The following ZNF493 variants were observed in gnomAD, a reference collection of about 807,000 sequenced individuals.
The protein encoded by ZNF493 is zinc finger protein 493.
ZNF493 carries 11 observed loss-of-function variants against 12.2 expected under a neutral mutation model. The observed-to-expected ratio is 0.90, with a 90% CI of 0.57 to 1.50. The LOEUF is 1.50. ZNF493 is among the 40% of genes most tolerant of loss of function. ZNF493 has a pLI of 0.00. For missense variants in ZNF493, 950 were observed against 906.6 expected (o/e 1.05, Z -0.61); for synonymous variants, 286 against 302.6 (o/e 0.95, Z 0.57).
chr19:21,415,517 T>C (rs1400534635), intron 3 of ZNF493, among the ~76,000 whole-genome samples: 3 of 152,174 alleles, frequency 2.0e-5, no homozygotes, highest in South Asian at 2.1e-4. Context: ...GTCTGAATTT[T>C]GTCAGGAGCC....
At chr19:21,407,111 G>A (rs2030156222) in intron 3 of ZNF493, among the ~76,000 whole-genome samples, 1 of 151,944 alleles carries the variant, frequency 6.6e-6, no homozygotes, top group African/African-American at 2.4e-5. Flanking sequence ...ACTTTGGGAG[G>A]CTGAGGCCGG....
At chr19:21,411,564 C>CA (rs1427392541) in intron 3 of ZNF493, among the ~76,000 whole-genome samples, 3 of 151,734 alleles carry the variant, frequency 2.0e-5, no homozygotes, top group Non-Finnish European at 4.4e-5. Context: ...TACTAAAATA[C>CA]AAAAAATTAG....
intron 1 of ZNF493, among the ~76,000 whole-genome samples, chr19:21,399,602 G>C (rs185529941): frequency 1.3e-5 from 2 of 151,902 alleles, no homozygotes; most frequent in South Asian, 2.1e-4. Flanking sequence ...TTTACAAAGG[G>C]CATAAAAGAT....
intron 3 of ZNF493, chr19:21,413,221 G>T (rs11669033): frequency 5.7e-6 from 2 of 351,508 alleles, no homozygotes; most frequent in Non-Finnish European, 5.2e-6. Flanking sequence ...TTTTGAGGGC[G>T]GTATGCCTCA....
In ZNF493 at chr19:21,423,204, T is replaced by C; in HGVS notation, c.545T>C (p.Phe182Ser). The C allele has an allele frequency of 6.2e-7, 1 of 1,613,788 alleles. No homozygotes were observed. Among genetic ancestry groups the C allele is most frequent in the Non-Finnish European group, 8.5e-7 (1 of 1,179,852 alleles). Residue 182 changes from phenylalanine (F) to serine (S), a missense_variant, in exon 4 of 4, where the codon TTC (phenylalanine) becomes TCC (serine). By Grantham distance (155) the Phe-to-Ser change is radical. Coordinates refer to ENST00000392288, the MANE Select transcript of ZNF493 (RefSeq NM_001076678.3). ...HNTKHTGKKP[F>S]KCKKCGKSFC... ...ACAAAACATACTGGAAAGAAACCTT[T>C]CAAATGTAAAAAATGTGGCAAATCA...
At chr19:21,403,879 G>A (rs1250407309) in intron 1 of ZNF493, among the ~76,000 whole-genome samples, 1 of 151,964 alleles carries the variant, frequency 6.6e-6, no homozygotes, top group African/African-American at 2.4e-5. Context: ...TCTAAATCAT[G>A]GCTTCTTATA....
rs1568384608 is a variant in ZNF493, at chr19:21,424,535, G to A, written c.1876G>A (p.Glu626Lys). 1 of 1,611,358 alleles carries A rather than the reference G, an allele frequency of 6.2e-7. No individual in the cohort carries two copies. The highest frequency in any genetic ancestry group is 2.2e-5 in the East Asian group (1 of 44,758). ...TATACATAAGAAAATTCATACTGGAGAAAAACCCTACAAATGTGAAGAATG... is the reference window on the plus strand; with the variant it reads ...TATACATAAGAAAATTCATACTGGAAAAAAACCCTACAAATGTGAAGAATG... ...LSIHKKIHTG[E>K]KPYKCEECGK... Residue 626 changes from glutamate to lysine, a missense_variant, in exon 4 of 4, where the codon GAA becomes AAA. Transcript: ENST00000392288.
chr19:21,412,268 G>A (rs1008612286), intron 3 of ZNF493: 2 of 152,238 alleles, frequency 1.3e-5, no homozygotes, highest in Non-Finnish European at 2.9e-5. Context: ...AAAGGGATGG[G>A]TTGGGCTAGT....
intron 3 of ZNF493, among the ~76,000 whole-genome samples, chr19:21,411,696 G>T (rs534852198): frequency 1.0e-3 from 157 of 151,812 alleles, no homozygotes; most frequent in African/African-American, 3.6e-3. Flanking sequence ...CTCCAGCCTG[G>T]GTGACAGAGT....
chr19:21,412,147 A>G (rs2914627), intron 3 of ZNF493: 143,262 of 152,192 alleles, frequency 0.94, 67,670 homozygotes, highest in Middle Eastern at 1. Context: ...TGAGAGCCCC[A>G]AACAGAGATT....
chr19:21,405,907 TAAAAAAAAAAAA>T, intron 3 of ZNF493, 51 bp downstream of exon 3: 4 of 179,206 alleles, frequency 2.2e-5, no homozygotes, highest in East Asian at 1.9e-4. Context: ...TTGAAAGATT[TAAAAAAAAAAAA>T]AAAAAAAAAA....
intron 3 of ZNF493, among the ~76,000 whole-genome samples, chr19:21,421,928 C>G (rs1432251688): frequency 6.6e-6 from 1 of 151,826 alleles, no homozygotes; most frequent in Non-Finnish European, 1.5e-5. Context: ...TCACTGCAAC[C>G]TCCGCCTCCC....
At chr19:21,403,876 C>A (rs925235140) in intron 1 of ZNF493, among the ~76,000 whole-genome samples, 9 of 152,178 alleles carry the variant, frequency 5.9e-5, no homozygotes, top group African/African-American at 2.2e-4. Flanking sequence ...CTCTCTAAAT[C>A]ATGGCTTCTT....
chr19:21,410,163 G>A (rs1254943367), intron 3 of ZNF493, among the ~76,000 whole-genome samples: 1 of 150,768 alleles, frequency 6.6e-6, no homozygotes, highest in Non-Finnish European at 1.5e-5. Flanking sequence ...TTGTGAATAC[G>A]GGTACAATAA....
In ZNF493 at chr19:21,426,837, T is replaced by C. The variant is rs2030868444; in HGVS notation, c.*1853T>C. The C allele has an allele frequency of 6.0e-6, 1 of 167,048 alleles. No homozygotes were observed. Among genetic ancestry groups the C allele is most frequent in the Non-Finnish European group, 1.5e-5 (1 of 68,094 alleles). The allele number at this position is 167,048 out of a possible 1,614,324, so 10.3% of individuals were successfully genotyped here. ...GCGACACTTCGAATATTCTACTAAA[T>C]GAGAGTTCTGAGTATAGAAAATAAA... On this transcript the variant is annotated 3_prime_UTR_variant, in exon 4 of 4. Coordinates refer to ENST00000392288, the MANE Select transcript of ZNF493 (RefSeq NM_001076678.3).
At chr19:21,418,093 C>T (rs1402471343) in intron 3 of ZNF493, among the ~76,000 whole-genome samples, 1 of 152,190 alleles carries the variant, frequency 6.6e-6, no homozygotes, top group African/African-American at 2.4e-5. Context: ...GAACTAAGAG[C>T]AGTTGCTCGA....
chr19:21,421,624 C>G (rs1010840891), intron 3 of ZNF493, among the ~76,000 whole-genome samples: 13 of 152,128 alleles, frequency 8.5e-5, no homozygotes, highest in Non-Finnish European at 1.5e-4. Flanking sequence ...CTCAGCCTCC[C>G]AAAGTGTGGG....
intron 3 of ZNF493, among the ~76,000 whole-genome samples, chr19:21,422,220 A>G (rs2030699068): frequency 6.6e-6 from 1 of 152,034 alleles, no homozygotes; most frequent in Non-Finnish European, 1.5e-5. Flanking sequence ...CAGTCTCTCT[A>G]CTGCTGTAAC....
At chr19:21,418,943 A>G (rs1237375217) in intron 3 of ZNF493, among the ~76,000 whole-genome samples, 1 of 152,152 alleles carries the variant, frequency 6.6e-6, no homozygotes, top group Non-Finnish European at 1.5e-5. Context: ...AACATGTTAC[A>G]GTGCTGCAGA....
Sources: gnomAD v4.1 joint callset for allele counts (sites outside exome capture counted in the v4.1 genomes callset) on GRCh38, gnomAD v4.1.1 for gene constraint, MANE v1.5 for transcripts, NCBI Gene and HGNC (gene_info 2026-07-23, HGNC 2026-07-21) for gene names.